LTBP1: variants seen among roughly 807,000 people sequenced by gnomAD.
LTBP1 encodes latent-transforming growth factor beta-binding protein 1.
A neutral mutation model predicts 207.6 loss-of-function variants in LTBP1; 129 were observed. That is an observed-to-expected ratio of 0.62 (90% CI 0.54 to 0.72). LTBP1 has a LOEUF of 0.72. Among genes scored for constraint, LTBP1 ranks in the 30% least tolerant of loss-of-function variants. LTBP1 has a pLI of 0.00. For missense variants in LTBP1, 2,281 were observed against 2,217.2 expected (o/e 1.03, Z -0.58); for synonymous variants, 963 against 833.7 (o/e 1.16, Z -2.67).
chr2:33,125,197 G>A (rs976902947), intron 4 of LTBP1, among the ~76,000 whole-genome samples: 2 of 152,188 alleles, frequency 1.3e-5, no homozygotes, highest in Admixed American at 6.5e-5. Flanking sequence ...GGGGCGTATC[G>A]AGGAAAGAAA....
At chr2:33,274,246 A>G (rs1472517726) in intron 16 of LTBP1, among the ~76,000 whole-genome samples, 5 of 151,728 alleles carry the variant, frequency 3.3e-5, no homozygotes, top group East Asian at 1.9e-4. Context: ...GGGATCTCAT[A>G]TATGCTCCTT....
At chr2:33,300,644 T>C in intron 21 of LTBP1, 71 bp downstream of exon 21, 4 of 1,492,162 alleles carry the variant, frequency 2.7e-6, no homozygotes, top group Admixed American at 2.0e-5. Flanking sequence ...GTACGCTCAA[T>C]CAAGTGAGTT....
chr2:33,297,732 T>TCAAAA (rs1181487790), intron 20 of LTBP1, among the ~76,000 whole-genome samples: 10 of 151,992 alleles, frequency 6.6e-5, no homozygotes, highest in Admixed American at 1.3e-4. Context: ...CCCTGCCTTT[T>TCAAAA]CAAAACAAAA....
At chr2:33,074,241 A>AC (rs1485682911) in intron 3 of LTBP1, among the ~76,000 whole-genome samples, 2 of 152,218 alleles carry the variant, frequency 1.3e-5, no homozygotes, top group Non-Finnish European at 2.9e-5. Context: ...TAGAAAAGAG[A>AC]CGTAGCTGCA....
intron 5 of LTBP1, among the ~76,000 whole-genome samples, chr2:33,165,275 T>C (rs1471106624): frequency 1.3e-5 from 2 of 152,198 alleles, no homozygotes; most frequent in Non-Finnish European, 1.5e-5. Context: ...GTGAATGATA[T>C]AATAGCTTGA....
At chr2:33,243,817 G>C (rs770157112) in intron 10 of LTBP1, 33 bp downstream of exon 10, 3 of 1,612,076 alleles carry the variant, frequency 1.9e-6, no homozygotes, top group Non-Finnish European at 2.5e-6. Context: ...TCCTGTTTTG[G>C]ATTAATTGTC....
chr2:33,020,922 G>A lies in LTBP1; in HGVS notation c.579G>A (p.Pro193=), dbSNP rs373027223. ...SQRCTKPSCV[P]PCQNGGMCLR... Reference sequence around the variant, plus strand: ...TTCTTTCTGCAGCTAGCTGTGTTCCGCCATGTCAGAATGGAGGGATGTGTC... The same window carrying A: ...TTCTTTCTGCAGCTAGCTGTGTTCCACCATGTCAGAATGGAGGGATGTGTC... Residue 193 remains proline, a synonymous_variant, in exon 3 of 34, where the codon CCG becomes CCA. Coordinates refer to ENST00000404816, the MANE Select transcript of LTBP1 (RefSeq NM_206943.4). 13 of 1,585,052 alleles carry A rather than the reference G, an allele frequency of 8.2e-6. No homozygotes were observed. In the East Asian group the frequency reaches 9.0e-5, roughly 11 times the overall value.
intron 5 of LTBP1, among the ~76,000 whole-genome samples, chr2:33,181,342 G>T (rs76216146): frequency 0.031 from 4,707 of 152,336 alleles, 103 homozygotes; most frequent in Middle Eastern, 0.14. Flanking sequence ...TCGTGGCACA[G>T]AATGTGAATA....
intron 3 of LTBP1, among the ~76,000 whole-genome samples, chr2:33,045,071 C>A (rs574778753): frequency 6.6e-5 from 10 of 152,102 alleles, no homozygotes; most frequent in African/African-American, 2.4e-4. Context: ...GTTGCCTGTT[C>A]ACTCTGATGA....
chr2:33,325,119 A>T (rs1354308036), intron 24 of LTBP1, among the ~76,000 whole-genome samples: 1 of 151,800 alleles, frequency 6.6e-6, no homozygotes, highest in Admixed American at 6.6e-5. Context: ...GTTTCATATG[A>T]CTCTTTTCCA....
intron 3 of LTBP1, among the ~76,000 whole-genome samples, chr2:33,069,281 T>G (rs2077666882): frequency 6.6e-6 from 1 of 152,042 alleles, no homozygotes; most frequent in African/African-American, 2.4e-5. Context: ...GATGCCTCCC[T>G]CCCCGCCCCA....
intron 2 of LTBP1, among the ~76,000 whole-genome samples, chr2:32,990,103 T>G (rs1280636954): frequency 6.6e-6 from 1 of 152,216 alleles, no homozygotes; most frequent in South Asian, 2.1e-4. Flanking sequence ...AGACCCAGTC[T>G]TTAAAAAAGG....
In LTBP1 at chr2:33,378,818, C is replaced by A. The variant is rs188796366; in HGVS notation, c.4712-10366C>A. 9.8e-4 allele frequency among the ~76,000 whole-genome samples: 149 copies of A among 152,302 alleles called. 1 individual carries two copies. The highest frequency in any genetic ancestry group is 3.4e-3 in the African/African-American group (140 of 41,550). On this transcript the variant is annotated intron_variant, in intron 31 of 33. Coordinates refer to ENST00000404816, the MANE Select transcript of LTBP1 (RefSeq NM_206943.4). ...TGACCTCATGGCCAGAGCAGGCAAGCCGGGCAGAGGAGGGATGAAGTAAAT... is the reference window on the plus strand; with the variant it reads ...TGACCTCATGGCCAGAGCAGGCAAGACGGGCAGAGGAGGGATGAAGTAAAT...
rs1276789115 is a variant in LTBP1 at position 33,397,298 on chromosome 2, G to A, written c.4984+16G>A. 5.6e-6 allele frequency: 9 copies of A among 1,613,060 alleles called. No individual in the cohort carries two copies. Among genetic ancestry groups the A allele is most frequent in the African/African-American group, 5.3e-5 (4 of 74,888 alleles). On this transcript the variant is annotated intron_variant, in intron 33 of 33. Transcript: ENST00000404816. The stretch of plus-strand genomic sequence containing the variant: ...ACCTGTGTCGGTAAGAATGACGTGT[G>A]TTTTATGGGACATTAATTTTTTCCT...
intron 5 of LTBP1, among the ~76,000 whole-genome samples, chr2:33,164,978 A>C (rs578123223): frequency 1.0e-3 from 155 of 152,328 alleles, no homozygotes; most frequent in African/African-American, 3.7e-3. Context: ...TGGGCCTCAA[A>C]ATCGAAAGAA....
intron 7 of LTBP1, among the ~76,000 whole-genome samples, chr2:33,213,691 C>T (rs1230300679): frequency 6.6e-6 from 1 of 152,218 alleles, no homozygotes; most frequent in Non-Finnish European, 1.5e-5. Context: ...TCTGGCTGCA[C>T]ATCGAAGCCT....
chr2:33,226,919 G>T (rs370372135), intron 9 of LTBP1, among the ~76,000 whole-genome samples: 29 of 151,936 alleles, frequency 1.9e-4, no homozygotes, highest in Admixed American at 7.9e-4. Flanking sequence ...TTAGATTTAG[G>T]TCTATCTAAA....
intron 3 of LTBP1, among the ~76,000 whole-genome samples, chr2:33,022,784 G>T (rs1180971974): frequency 6.6e-6 from 1 of 152,190 alleles, no homozygotes; most frequent in Non-Finnish European, 1.5e-5. Flanking sequence ...TAGCACAAAA[G>T]CAGCCATAGA....
intron 5 of LTBP1, among the ~76,000 whole-genome samples, chr2:33,165,328 G>A (rs757898002): frequency 3.9e-5 from 6 of 152,178 alleles, no homozygotes; most frequent in Non-Finnish European, 7.3e-5. Context: ...AGAAATAGGC[G>A]AGACGCTGAA....
Sources: allele counts gnomAD v4.1 joint callset (sites outside exome capture counted in the v4.1 genomes callset), GRCh38; gene constraint gnomAD v4.1.1; transcripts MANE v1.5; gene names NCBI Gene and HGNC (gene_info 2026-07-23, HGNC 2026-07-21).